Variants in SI observed in about 807,000 individuals in gnomAD.
The protein encoded by SI is sucrase-isomaltase, intestinal.
SI carries 235 observed loss-of-function variants against 253.3 expected under a neutral mutation model. That is an observed-to-expected ratio of 0.93 (90% CI 0.83 to 1.03). SI has a LOEUF of 1.03. Among genes scored for constraint, SI ranks in the 50% least tolerant of loss-of-function variants. The probability of loss-of-function intolerance (pLI) is 0.00; values close to 1 mark genes in which losing one functional copy is unlikely to be tolerated. For synonymous variants in SI, 819 were observed against 712.0 expected, an observed-to-expected ratio of 1.15 and a Z score of -2.39; for missense variants, 2,442 against 2,211.1, an observed-to-expected ratio of 1.10 and a Z score of -2.09.
chr3:165,073,574 G>A (rs1308025806), intron 3 of SI, among the ~76,000 whole-genome samples: 1 of 151,968 alleles, frequency 6.6e-6, no homozygotes, highest in African/African-American at 2.4e-5. Flanking sequence ...TTTGTGTGTG[G>A]TAAGGTGGAG....
intron 9 of SI, among the ~76,000 whole-genome samples, chr3:165,061,745 C>T (rs1020484196): frequency 1.3e-5 from 2 of 151,970 alleles, no homozygotes; most frequent in Non-Finnish European, 2.9e-5. Context: ...GAATCATCTT[C>T]AGTGTAGGTC....
chr3:165,008,585 G>A (rs1718625560), intron 35 of SI, among the ~76,000 whole-genome samples: 2 of 151,922 alleles, frequency 1.3e-5, no homozygotes, highest in Non-Finnish European at 2.9e-5. Flanking sequence ...TATACCAATT[G>A]CTACATCTAA....
At position 164,982,369 on chromosome 3, in the gene SI, A is replaced by G; in HGVS notation, c.5289T>C (p.Asn1763=). 1 of 1,612,556 alleles carries G rather than the reference A, an allele frequency of 6.2e-7. No homozygotes were observed. Among genetic ancestry groups the G allele is most frequent in the Non-Finnish European group, 8.5e-7 (1 of 1,178,998 alleles). Residue 1763 remains asparagine (N), a synonymous_variant, in exon 47 of 48, where the codon AAT becomes AAC. Coordinates refer to ENST00000264382, the MANE Select transcript of SI (RefSeq NM_001041.4). ...GGGATCCAAGCCTCGTTTCACTTTT[A>G]TTTATGTAACCTCTCTTCAATATAG... ...TSTILKRGYI[N]KSETRLGSLH...
rs762198861 is a variant in SI, at chr3:164,994,398, T to C, written c.4700A>G (p.Asp1567Gly). ...NHNIANTRRQ[D>G]PASWNETFAE... ...AAAAGTTTCATTCCAGGAAGCGGGATCTTGTCTCTGAAACAAAGCAAAATA... is the reference window on the plus strand; with the variant it reads ...AAAAGTTTCATTCCAGGAAGCGGGACCTTGTCTCTGAAACAAAGCAAAATA... The change falls in exon 41 of 48, where the codon GAT (aspartate) becomes GGT (glycine). Residue 1567 changes from aspartate to glycine, a missense_variant. Physicochemically the swap from Asp to Gly is moderately conservative, Grantham distance 94. Transcript: ENST00000264382. 2 of 1,610,666 alleles carry C rather than the reference T, an allele frequency of 1.2e-6. No homozygotes were observed. Among genetic ancestry groups the C allele is most frequent in the East Asian group, 2.2e-5 (1 of 44,674 alleles).
At chr3:164,984,943 G>A (rs1717366320) in intron 45 of SI, among the ~76,000 whole-genome samples, 1 of 152,020 alleles carries the variant, frequency 6.6e-6, no homozygotes, top group African/African-American at 2.4e-5. Flanking sequence ...GTTAACTCAG[G>A]AAATTTCAAG....
rs972293845 is a variant in SI, at chr3:165,062,250, T to A, written c.1020+121A>T. On this transcript the variant is annotated intron_variant, in intron 9 of 47. Transcript: ENST00000264382. The stretch of plus-strand genomic sequence containing the variant: ...AGCTGCATCTTAAATATGATAAGAT[T>A]TTCGAAAACATTTAGCTAAGAGGCC... 5 of 644,548 alleles carry A rather than the reference T, an allele frequency of 7.8e-6. No individual in the cohort carries two copies. In the African/African-American group the frequency reaches 9.3e-5, roughly 12 times the overall value. 39.9% of individuals were successfully genotyped at this position (644,548 alleles called of 1,614,324 possible).
Position 165,030,978 on chromosome 3 carries a change from C to T in SI, c.2737-111G>A, listed in dbSNP as rs556338899. 2.5e-5 allele frequency: 35 copies of T among 1,405,108 alleles called. No individual in the cohort carries two copies. The South Asian group carries it at 4.7e-4, about 19-fold the overall frequency. The allele number at this position is 1,405,108 out of a possible 1,614,324, so 87.0% of individuals were successfully genotyped here. ...TGATTTAAAAAAACATTTTACATTT[C>T]ACAAAATGTGGCAACGAGGGCAATT... On this transcript the variant is annotated intron_variant, in intron 24 of 47. Transcript: ENST00000264382.
At chr3:164,983,081 T>C (rs750796866) in intron 45 of SI, 30 bp from the exon 46 acceptor site, 1 of 1,530,250 alleles carries the variant, frequency 6.5e-7, no homozygotes, top group Non-Finnish European at 9.0e-7. Flanking sequence ...ATGTGATATA[T>C]TGTTATTTCC....
chr3:164,990,689 T>C (rs1559978814), intron 44 of SI, among the ~76,000 whole-genome samples: 2 of 152,012 alleles, frequency 1.3e-5, no homozygotes, highest in Non-Finnish European at 2.9e-5. Context: ...TAGGTGGGAA[T>C]TGAACAATGA....
At chr3:165,038,946 T>A in intron 20 of SI, 132 bp downstream of exon 20, 2 of 597,608 alleles carry the variant, frequency 3.3e-6, no homozygotes, top group Non-Finnish European at 5.9e-6. Flanking sequence ...AAATTATTAT[T>A]TTTTATAGTA....
intron 17 of SI, among the ~76,000 whole-genome samples, chr3:165,042,551 A>G (rs1712892732): frequency 6.6e-6 from 1 of 152,104 alleles, no homozygotes; most frequent in Admixed American, 6.6e-5. Context: ...CCGTGTTTTA[A>G]AAGTGTTAGT....
rs1010653416 is a variant in SI, at chr3:165,015,364, T to C, written c.3889-131A>G. 2.5e-5 allele frequency: 18 copies of C among 705,912 alleles called. 1 individual carries two copies. In the Admixed American group the frequency reaches 3.8e-4, roughly 15 times the overall value. The allele number at this position is 705,912 out of a possible 1,614,324, so 43.7% of individuals were successfully genotyped here. A position where few individuals can be genotyped will look rare whatever the true frequency, so the allele number is the denominator to read the frequency against. On this transcript the variant is annotated intron_variant, in intron 32 of 47. Coordinates refer to ENST00000264382, the MANE Select transcript of SI (RefSeq NM_001041.4). Reference sequence around the variant, plus strand: ...TGCTCTCACATTAAATGACAAATGATACAAACATCAGTGTTCTAGCTAGAT... The same window carrying C: ...TGCTCTCACATTAAATGACAAATGACACAAACATCAGTGTTCTAGCTAGAT...
At position 165,039,632 on chromosome 3, in the gene SI, GT is replaced by G. The variant is rs369705427; in HGVS notation, c.2244+254del. 5.1e-3 allele frequency among the ~76,000 whole-genome samples: 754 copies of G among 147,988 alleles called. 5 individuals are homozygous for G. Among genetic ancestry groups the G allele is most frequent in the African/African-American group, 0.017 (681 of 40,596 alleles). ...GAATTGATTTTGATTTGATAATACA[GT>G]TTTTTTTTTCAGGAGAAAAATAACT... On this transcript the variant is annotated intron_variant, in intron 19 of 47. Transcript: ENST00000264382.
At position 165,036,688 on chromosome 3, in the gene SI, T is replaced by C. The variant is rs114336296; in HGVS notation, c.2427-211A>G. ...CGAAATAATTTATACATGTAGAAAA[T>C]AAGTCAAAAGAATAAATGTAATAAA... On this transcript the variant is annotated intron_variant, in intron 21 of 47. Transcript: ENST00000264382. Among the ~76,000 whole-genome samples, 1,117 of 151,866 alleles carry C rather than the reference T, an allele frequency of 7.4e-3. 12 individuals are homozygous for C. The highest frequency in any genetic ancestry group is 0.011 in the Non-Finnish European group (757 of 67,814).
chr3:165,027,704 A>C (rs1328088790), intron 25 of SI, among the ~76,000 whole-genome samples: 1 of 151,566 alleles, frequency 6.6e-6, no homozygotes, highest in Non-Finnish European at 1.5e-5. Flanking sequence ...AATTAAAAAC[A>C]AAAATCACGG....
At chr3:164,982,167 G>T in intron 47 of SI, 76 bp downstream of exon 47, 2 of 1,059,066 alleles carry the variant, frequency 1.9e-6, no homozygotes, top group Non-Finnish European at 2.9e-6. Context: ...GTTTCTTACA[G>T]ATGAGGGATA....
chr3:165,040,702 C>T (rs530694708), intron 18 of SI, among the ~76,000 whole-genome samples: 1 of 152,086 alleles, frequency 6.6e-6, no homozygotes, highest in South Asian at 2.1e-4. Context: ...AATATCCTAA[C>T]ATATTTTATA....
Position 165,047,264 on chromosome 3 carries a change from C to T in SI, c.1716-252G>A, listed in dbSNP as rs528460416. Among the ~76,000 whole-genome samples, 68 of 151,964 alleles carry T rather than the reference C, an allele frequency of 4.5e-4. No homozygotes were observed. The Middle Eastern group carries it at 0.01, about 23-fold the overall frequency. On this transcript the variant is annotated intron_variant, in intron 15 of 47. Transcript: ENST00000264382. ...AGTTAATGAGTCTCATGAGATCTGA[C>T]GGTTTTAAAGAAATAGGAGTTTCCC... is the stretch of plus-strand genomic sequence containing the variant.
chr3:165,084,757 C>T, the SI span, among the ~76,000 whole-genome samples: 3 of 151,896 alleles, frequency 2.0e-5, no homozygotes, highest in African/African-American at 7.2e-5. Flanking sequence ...TATTTGTTCA[C>T]ATATTGGAAA....
Sources: gnomAD v4.1 joint callset for allele counts (sites outside exome capture counted in the v4.1 genomes callset) on GRCh38, gnomAD v4.1.1 for gene constraint, MANE v1.5 for transcripts, NCBI Gene and HGNC (gene_info 2026-07-23, HGNC 2026-07-21) for gene names.